Variants in AP1B1 observed in about 807,000 individuals in gnomAD.
The protein encoded by AP1B1 is AP-1 complex subunit beta-1.
Under a neutral mutation model 104.3 loss-of-function variants are expected in AP1B1, and 36 were observed. The ratio of observed to expected loss-of-function variants is 0.35; its 90% CI spans 0.26 to 0.46. The LOEUF (loss-of-function observed/expected upper bound fraction) is 0.46. Among genes scored for constraint, AP1B1 ranks in the 20% least tolerant of loss-of-function variants. The probability of loss-of-function intolerance (pLI) is 1.00; values close to 1 mark genes in which losing one functional copy is unlikely to be tolerated. For synonymous variants in AP1B1, 504 were observed against 517.5 expected (o/e 0.97, Z 0.35); for missense variants, 901 against 1,247.9 (o/e 0.72, Z 4.19).
At chr22:29,336,765 T>C (rs1479592836) in intron 16 of AP1B1, among the ~76,000 whole-genome samples, 1 of 150,354 alleles carries the variant, frequency 6.7e-6, no homozygotes, top group African/African-American at 2.5e-5. Flanking sequence ...GATCGCACCA[T>C]TGCACTCCAG....
chr22:29,387,122 A>G (rs2062537321), intron 1 of AP1B1, among the ~76,000 whole-genome samples: 1 of 152,206 alleles, frequency 6.6e-6, no homozygotes, highest in African/African-American at 2.4e-5. Context: ...TTTGTGTCTC[A>G]CTGTTCCCTA....
intron 5 of AP1B1, among the ~76,000 whole-genome samples, chr22:29,357,495 A>G (rs2061977343): frequency 6.6e-6 from 1 of 151,768 alleles, no homozygotes; most frequent in South Asian, 2.1e-4. Flanking sequence ...CCTCCCAGGT[A>G]GCTGAGATTA....
chr22:29,342,182 G>T, intron 12 of AP1B1, 103 bp downstream of exon 12: 1 of 942,866 alleles, frequency 1.1e-6, no homozygotes, highest in Non-Finnish European at 1.6e-6. Context: ...CAAGATACCT[G>T]TCTTAGGAGC....
chr22:29,371,461 G>A (rs1213762729), intron 1 of AP1B1, among the ~76,000 whole-genome samples: 1 of 152,218 alleles, frequency 6.6e-6, no homozygotes, highest in African/African-American at 2.4e-5. Context: ...GCTGGGCGCG[G>A]TGGCTTATGC....
intron 19 of AP1B1, 42 bp downstream of exon 19, chr22:29,331,407 A>G: frequency 6.3e-7 from 1 of 1,599,108 alleles, no homozygotes; most frequent in Non-Finnish European, 8.6e-7. Context: ...CCCAAGCCAC[A>G]GCCCCATTTC....
intron 16 of AP1B1, among the ~76,000 whole-genome samples, chr22:29,338,341 C>T (rs2061666818): frequency 6.6e-6 from 1 of 152,218 alleles, no homozygotes. Context: ...CTGGCCAAAC[C>T]ATTCACGGGG....
chr22:29,353,080 T>C (rs1479305124), intron 7 of AP1B1, among the ~76,000 whole-genome samples: 1 of 152,194 alleles, frequency 6.6e-6, no homozygotes, highest in Non-Finnish European at 1.5e-5. Flanking sequence ...AGGCTGGTAC[T>C]AGGTCACATG....
In AP1B1 at chr22:29,341,602, G is replaced by A. The variant is rs779959027; in HGVS notation, c.1695C>T (p.Cys565=). Residue 565 remains cysteine, a synonymous_variant, in exon 13 of 23, where the codon TGC becomes TGT. Coordinates refer to ENST00000357586, the MANE Select transcript of AP1B1 (RefSeq NM_001127.4). The stretch of plus-strand genomic sequence containing the variant: ...AGACGGAAGCCAGCGTGCCGATGTA[G>A]CAGATAAGCTCGTCTAACAGTGTGG... ...IEPTLLDELI[C]YIGTLASVYH... 1.9e-6 allele frequency: 3 copies of A among 1,614,252 alleles called. No individual in the cohort carries two copies. The highest frequency in any genetic ancestry group is 1.1e-5 in the South Asian group (1 of 91,088).
chr22:29,332,367 C>T (rs563487661), intron 17 of AP1B1: 8 of 155,324 alleles, frequency 5.2e-5, no homozygotes, highest in Admixed American at 1.3e-4. Flanking sequence ...CCAAGCAAGA[C>T]GCTAGATTTT....
intron 16 of AP1B1, among the ~76,000 whole-genome samples, chr22:29,337,595 A>T (rs1222500481): frequency 6.6e-6 from 1 of 152,098 alleles, no homozygotes; most frequent in East Asian, 1.9e-4. Flanking sequence ...TCTGGCAAAC[A>T]CAACTTCTGA....
intron 1 of AP1B1, among the ~76,000 whole-genome samples, chr22:29,368,976 C>T (rs2062187582): frequency 1.3e-5 from 2 of 152,070 alleles, no homozygotes; most frequent in African/African-American, 4.8e-5. Flanking sequence ...CAAGTACAGC[C>T]TTCCAATCCT....
At chr22:29,341,360 A>C in intron 13 of AP1B1, 141 bp downstream of exon 13, 2 of 1,083,324 alleles carry the variant, frequency 1.8e-6, no homozygotes. Context: ...CCTTGTGTAC[A>C]ATAAATAGCT....
intron 11 of AP1B1, among the ~76,000 whole-genome samples, chr22:29,344,971 A>C (rs1041064779): frequency 6.6e-6 from 1 of 152,366 alleles, no homozygotes; most frequent in Admixed American, 6.5e-5. Context: ...CTTTGAGCCC[A>C]GGAGTTCAAG....
chr22:29,348,612 G>A (rs1342024257), intron 11 of AP1B1, among the ~76,000 whole-genome samples: 4 of 152,188 alleles, frequency 2.6e-5, no homozygotes, highest in Non-Finnish European at 4.4e-5. Flanking sequence ...TGACAAAAAC[G>A]TTGGGTCTAG....
intron 17 of AP1B1, among the ~76,000 whole-genome samples, chr22:29,333,925 C>T (rs1234623085): frequency 1.3e-5 from 2 of 150,822 alleles, no homozygotes; most frequent in African/African-American, 4.9e-5. Context: ...ATTAGCCAGG[C>T]GTGGTGGTGT....
chr22:29,328,786 C>T lies in AP1B1; in HGVS notation c.*35G>A, dbSNP rs375793856. 7.6e-6 allele frequency: 12 copies of T among 1,588,004 alleles called. No individual in the cohort carries two copies. Among genetic ancestry groups the T allele is most frequent in the Admixed American group, 5.5e-5 (3 of 55,018 alleles). On this transcript the variant is annotated 3_prime_UTR_variant, in exon 23 of 23. Transcript: ENST00000357586. The surrounding 1 kb of genome is among the most constrained non-coding windows in gnomAD (Gnocchi z 4.1). Reference sequence around the variant, plus strand: ...CCCCCGAGGGGCCTCCTCGATGGGGCGGGCAGAAGGCTGGGGTGGGCGCTG... The same window carrying T: ...CCCCCGAGGGGCCTCCTCGATGGGGTGGGCAGAAGGCTGGGGTGGGCGCTG...
At chr22:29,355,675 T>G (rs1460702141) in intron 6 of AP1B1, among the ~76,000 whole-genome samples, 2 of 151,704 alleles carry the variant, frequency 1.3e-5, no homozygotes, top group African/African-American at 2.4e-5. Flanking sequence ...ATGGGTGGAT[T>G]GCTTGATCCC....
At chr22:29,386,368 G>C (rs945510022) in intron 1 of AP1B1, among the ~76,000 whole-genome samples, 2 of 152,158 alleles carry the variant, frequency 1.3e-5, no homozygotes, top group African/African-American at 4.8e-5. Context: ...TCAGGGTGAA[G>C]CCTCCACTGA....
At chr22:29,386,665 G>C (rs1378160096) in intron 1 of AP1B1, among the ~76,000 whole-genome samples, 2 of 152,118 alleles carry the variant, frequency 1.3e-5, no homozygotes, top group African/African-American at 4.8e-5. Flanking sequence ...AAAAAAAAAG[G>C]TATTACAGTA....
Sources: allele counts gnomAD v4.1 joint callset (sites outside exome capture counted in the v4.1 genomes callset), GRCh38; gene constraint gnomAD v4.1.1; non-coding constraint Gnocchi (gnomAD v3.1); transcripts MANE v1.5; gene names NCBI Gene and HGNC (gene_info 2026-07-23, HGNC 2026-07-21).